CCDC60: variants seen among roughly 807,000 people sequenced by gnomAD.
The protein encoded by CCDC60 is coiled-coil domain-containing protein 60.
In CCDC60, 54 loss-of-function variants were observed where a neutral mutation model predicts 63.5. The ratio of observed to expected loss-of-function variants is 0.85; its 90% CI spans 0.68 to 1.07. The LOEUF (loss-of-function observed/expected upper bound fraction) is 1.07. Among genes scored for constraint, CCDC60 ranks in the 50% least tolerant of loss-of-function variants. The pLI, the probability that CCDC60 is intolerant of heterozygous loss-of-function variation, is 0.00. For missense variants in CCDC60, 651 were observed against 684.3 expected, an observed-to-expected ratio of 0.95 and a Z score of 0.54; for synonymous variants, 206 against 238.8, an observed-to-expected ratio of 0.86 and a Z score of 1.27.
At chr12:119,394,162 C>A (rs1956209382) in intron 1 of CCDC60, among the ~76,000 whole-genome samples, 1 of 152,118 alleles carries the variant, frequency 6.6e-6, no homozygotes, top group African/African-American at 2.4e-5. Flanking sequence ...TACCGCAAAG[C>A]AAGTATTGTT....
chr12:119,530,265 G>T (rs1052237525), intron 12 of CCDC60, among the ~76,000 whole-genome samples: 1 of 134,868 alleles, frequency 7.4e-6, no homozygotes, highest in Non-Finnish European at 1.6e-5. Context: ...AGGGGTGAGG[G>T]AGTTTTTTTT....
chr12:119,439,978 C>T (rs947937945), intron 2 of CCDC60, among the ~76,000 whole-genome samples: 5 of 151,766 alleles, frequency 3.3e-5, no homozygotes, highest in Admixed American at 1.3e-4. Flanking sequence ...AGCCAAACAC[C>T]GCATGTTCTC....
intron 5 of CCDC60, among the ~76,000 whole-genome samples, chr12:119,493,236 A>T (rs927628913): frequency 6.6e-6 from 1 of 152,076 alleles, no homozygotes; most frequent in Non-Finnish European, 1.5e-5. Flanking sequence ...ATCCTTGGGG[A>T]CCTGTAGATC....
chr12:119,351,613 C>A (rs1955657440), intron 1 of CCDC60, among the ~76,000 whole-genome samples: 1 of 152,202 alleles, frequency 6.6e-6, no homozygotes. Flanking sequence ...GATCTTGTAA[C>A]AACTTTATTG....
chr12:119,424,463 C>G lies in CCDC60; in HGVS notation c.91-4220C>G, dbSNP rs537507086. ...TAGGTATTTTTCACTATTATTCACA[C>G]TGCTGTGATAAACATCCTCGGGGAT... On this transcript the variant is annotated intron_variant, in intron 1 of 13. Coordinates refer to ENST00000327554, the MANE Select transcript of CCDC60 (RefSeq NM_178499.5). Among the ~76,000 whole-genome samples the G allele has an allele frequency of 3.3e-5, 5 of 152,302 alleles. No homozygotes were observed. The South Asian group carries it at 1.0e-3, about 32-fold the overall frequency.
At chr12:119,537,950 A>G (rs1953052954) in intron 13 of CCDC60, among the ~76,000 whole-genome samples, 1 of 152,180 alleles carries the variant, frequency 6.6e-6, no homozygotes, top group African/African-American at 2.4e-5. Flanking sequence ...CTCTCTTCAG[A>G]GCTGTCAGAC....
chr12:119,335,357 C>G, intron 1 of CCDC60, 91 bp downstream of exon 1: 1 of 959,700 alleles, frequency 1.0e-6, no homozygotes, highest in Non-Finnish European at 1.6e-6. Flanking sequence ...AGTTCTAGAT[C>G]CCTGAGGAAT....
intron 1 of CCDC60, among the ~76,000 whole-genome samples, chr12:119,342,997 C>A (rs935508914): frequency 6.6e-6 from 1 of 152,228 alleles, no homozygotes; most frequent in African/African-American, 2.4e-5. Context: ...TGCAAAAATT[C>A]ATATGGGGTT....
intron 8 of CCDC60, among the ~76,000 whole-genome samples, chr12:119,519,258 T>C (rs1011474067): frequency 2.0e-5 from 3 of 152,050 alleles, no homozygotes; most frequent in Non-Finnish European, 2.9e-5. Flanking sequence ...CCCCTAGCCA[T>C]CTGAAAATAC....
chr12:119,428,732 T>C lies in CCDC60; in HGVS notation c.140T>C (p.Ile47Thr), dbSNP rs376494018. ...ATCAAGTATATGGACAAGGAAATAATAAACCTCAAAAAGGACCTTATACGA... is the reference window on the plus strand; with the variant it reads ...ATCAAGTATATGGACAAGGAAATAACAAACCTCAAAAAGGACCTTATACGA... ...KSIKYMDKEI[I>T]NLKKDLIRSR... The change falls in exon 2 of 14, where the codon ATA (isoleucine) becomes ACA (threonine). Residue 47 changes from isoleucine to threonine, a missense_variant. Physicochemically the swap from Ile to Thr is moderately conservative, Grantham distance 89. Transcript: ENST00000327554. The C allele has an allele frequency of 1.2e-6, 2 of 1,606,290 alleles. No individual in the cohort carries two copies. The highest frequency in any genetic ancestry group is 1.7e-6 in the Non-Finnish European group (2 of 1,175,426).
At chr12:119,495,227 G>A (rs1951693706) in intron 5 of CCDC60, among the ~76,000 whole-genome samples, 1 of 152,106 alleles carries the variant, frequency 6.6e-6, no homozygotes, top group Admixed American at 6.5e-5. Flanking sequence ...CCCCCAAATG[G>A]TTGTTTCTCT....
At chr12:119,516,853 A>G (rs1396133682) in intron 8 of CCDC60, 146 bp downstream of exon 8, 5 of 605,190 alleles carry the variant, frequency 8.3e-6, no homozygotes, top group Admixed American at 3.0e-5. Flanking sequence ...AGTTCTTACA[A>G]TAATCCTACA....
At chr12:119,371,397 C>T (rs947271683) in intron 1 of CCDC60, among the ~76,000 whole-genome samples, 8 of 152,134 alleles carry the variant, frequency 5.3e-5, no homozygotes, top group Admixed American at 5.2e-4. Flanking sequence ...CAACCTATTC[C>T]CAAGGCCTGG....
chr12:119,484,857 G>A (rs1253738360), intron 4 of CCDC60, among the ~76,000 whole-genome samples: 1 of 152,226 alleles, frequency 6.6e-6, no homozygotes, highest in Non-Finnish European at 1.5e-5. Flanking sequence ...ACCCTGTGGT[G>A]GACAGGACTC....
At chr12:119,419,915 G>A (rs1280352213) in intron 1 of CCDC60, among the ~76,000 whole-genome samples, 7 of 122,962 alleles carry the variant, frequency 5.7e-5, no homozygotes, top group Admixed American at 3.3e-4. Flanking sequence ...TCGCTCTGTC[G>A]CCCCAGGCTG....
chr12:119,459,397 G>T (rs1950813487), intron 2 of CCDC60, among the ~76,000 whole-genome samples: 1 of 152,140 alleles, frequency 6.6e-6, no homozygotes, highest in South Asian at 2.1e-4. Context: ...AAAGAAATTT[G>T]ACCTAACTGA....
chr12:119,492,217 A>G (rs1017371129), intron 5 of CCDC60, among the ~76,000 whole-genome samples: 25 of 152,164 alleles, frequency 1.6e-4, no homozygotes, highest in African/African-American at 5.1e-4. Flanking sequence ...GTCAATGACA[A>G]TGCTGGTAAA....
chr12:119,445,373 G>A (rs980268695), intron 2 of CCDC60, among the ~76,000 whole-genome samples: 1 of 141,322 alleles, frequency 7.1e-6, no homozygotes, highest in Admixed American at 7.8e-5. Context: ...TGCAGAGGTC[G>A]CAGTGAGCCG....
intron 1 of CCDC60, among the ~76,000 whole-genome samples, chr12:119,374,264 A>C (rs61938064): frequency 7.1e-4 from 108 of 152,336 alleles, no homozygotes; most frequent in African/African-American, 2.3e-3. Context: ...TGAGGATTAA[A>C]TAGATTAAAA....
Sources: gnomAD v4.1 joint callset for allele counts (sites outside exome capture counted in the v4.1 genomes callset) on GRCh38, gnomAD v4.1.1 for gene constraint, MANE v1.5 for transcripts, NCBI Gene and HGNC (gene_info 2026-07-23, HGNC 2026-07-21) for gene names.